Variants in ARHGAP45 observed in about 807,000 individuals in gnomAD.
ARHGAP45 encodes Rho GTPase activating protein 45.
ARHGAP45 carries 56 observed loss-of-function variants against 116.1 expected under a neutral mutation model. That is an observed-to-expected ratio of 0.48 (90% CI 0.39 to 0.60). ARHGAP45 has a LOEUF of 0.60. Among genes scored for constraint, ARHGAP45 ranks in the 20% least tolerant of loss-of-function variants. The pLI, the probability that ARHGAP45 is intolerant of heterozygous loss-of-function variation, is 0.00. For synonymous variants in ARHGAP45, 866 were observed against 701.7 expected, an observed-to-expected ratio of 1.23 and a Z score of -3.70; for missense variants, 1,622 against 1,601.0, an observed-to-expected ratio of 1.01 and a Z score of -0.22.
At chr19:1,070,212 T>G (rs1284970537) in intron 2 of ARHGAP45, among the ~76,000 whole-genome samples, 1 of 151,906 alleles carries the variant, frequency 6.6e-6, no homozygotes, top group Non-Finnish European at 1.5e-5. Context: ...GCCAGGTTGG[T>G]CTCAAACCCC....
At chr19:1,072,209 G>A (rs1417597143) in intron 2 of ARHGAP45, among the ~76,000 whole-genome samples, 1 of 151,784 alleles carries the variant, frequency 6.6e-6, no homozygotes, top group African/African-American at 2.4e-5. Flanking sequence ...TTACAGAGGA[G>A]TGCCACCACG....
At chr19:1,067,674 G>T in intron 1 of ARHGAP45, 179 bp downstream of exon 1, 2 of 725,838 alleles carry the variant, frequency 2.8e-6, no homozygotes, top group South Asian at 2.9e-5. Flanking sequence ...TTCAGCTCAC[G>T]GTAGGGACCC....
rs1394860615 is a variant in ARHGAP45 at position 1,069,035 on chromosome 19, C to T, written c.421+291C>T. Among the ~76,000 whole-genome samples, 1 of 151,994 alleles carries T rather than the reference C, an allele frequency of 6.6e-6. No individual in the cohort carries two copies. Among genetic ancestry groups the T allele is most frequent in the African/African-American group, 2.4e-5 (1 of 41,364 alleles). ...TGTCCCATGCACAGGCTCAGAAACA[C>T]GGAAACAGAGAATGCATTTGGGGGC... On this transcript the variant is annotated intron_variant, in intron 2 of 22. Transcript: ENST00000313093. The surrounding 1 kb of genome is among the most constrained non-coding windows in gnomAD (Gnocchi z 4.1).
rs779705191 is a variant in ARHGAP45 at position 1,068,738 on chromosome 19, C to T, written c.415C>T (p.Arg139Cys). 8.4e-5 allele frequency: 135 copies of T among 1,611,246 alleles called. No individual in the cohort carries two copies. The highest frequency in any genetic ancestry group is 1.0e-4 in the Non-Finnish European group (123 of 1,179,142). The part of the protein sequence containing the change: ...GLEKLKECVL[R>C]DDLLEARRPR... ...TGAGAAACTTAAGGAGTGTGTGTTG[C>T]GTGACGGTGAGAGCCACGGGGACAC... Residue 139 changes from arginine to cysteine, a missense_variant, in exon 2 of 23, where the codon CGT becomes TGT. This residue lies in a region of ARHGAP45 where 279 missense variants were observed against 311.9 expected (regional missense o/e 0.89). Coordinates refer to ENST00000313093, the MANE Select transcript of ARHGAP45 (RefSeq NM_012292.5). The surrounding 1 kb of genome is among the most constrained non-coding windows in gnomAD (Gnocchi z 7.5).
Position 1,081,084 on chromosome 19 carries a change from G to A in ARHGAP45, c.2190+20G>A, listed in dbSNP as rs747705728. 32 of 1,588,902 alleles carry A rather than the reference G, an allele frequency of 2.0e-5. No individual in the cohort carries two copies. In the East Asian group the frequency reaches 5.4e-4, roughly 27 times the overall value. ...GAAGAGGTGAGTGGGACGCCCCGAC[G>A]GACAGCTGGGAGCCTTCGGGAGCCT... On this transcript the variant is annotated intron_variant, in intron 17 of 22. Coordinates refer to ENST00000313093, the MANE Select transcript of ARHGAP45 (RefSeq NM_012292.5).
intron 2 of ARHGAP45, 110 bp from the exon 3 acceptor site, chr19:1,073,039 C>T: frequency 7.6e-7 from 1 of 1,320,418 alleles, no homozygotes; most frequent in Non-Finnish European, 1.0e-6. Context: ...TCTTCCACCT[C>T]TGCCTCAGTT....
rs762879433 is a variant in ARHGAP45, at chr19:1,080,533, C to G, written c.1898C>G (p.Pro633Arg). Residue 633 changes from proline (P) to arginine (R), a missense_variant, in exon 15 of 23, where the codon CCC (proline) becomes CGC (arginine). Coordinates refer to ENST00000313093, the MANE Select transcript of ARHGAP45 (RefSeq NM_012292.5). ...SISDSDSGLDPGPGAGDFKKF... is the reference protein window; with the variant it reads ...SISDSDSGLDRGPGAGDFKKF... The stretch of plus-strand genomic sequence containing the variant: ...TCAGACTCGGACAGTGGGCTGGACC[C>G]CGGCCCTGGCGCAGGTGAGGGAGGC... 3 of 1,612,784 alleles carry G rather than the reference C, an allele frequency of 1.9e-6. No individual in the cohort carries two copies. The highest frequency in any genetic ancestry group is 2.5e-6 in the Non-Finnish European group (3 of 1,179,962).
At chr19:1,075,009 G>A (rs1034149811) in intron 10 of ARHGAP45, 130 bp downstream of exon 10, 10 of 674,222 alleles carry the variant, frequency 1.5e-5, no homozygotes, top group South Asian at 7.1e-5. Context: ...GCGCATGCGC[G>A]GCCTCGCAGG....
Position 1,086,240 on chromosome 19 carries a change from G to A in ARHGAP45, c.*234G>A. ...GTCCCCTGCACCCCGGCTCAGCTGA[G>A]CTGGGGAACACTGCTGTCGTGTGAA... On this transcript the variant is annotated 3_prime_UTR_variant, in exon 23 of 23. Coordinates refer to ENST00000313093, the MANE Select transcript of ARHGAP45 (RefSeq NM_012292.5). 1.9e-6 allele frequency: 1 copy of A among 539,914 alleles called. No individual in the cohort carries two copies. Among genetic ancestry groups the A allele is most frequent in the Non-Finnish European group, 3.3e-6 (1 of 300,820 alleles). 33.4% of individuals were successfully genotyped at this position (539,914 alleles called of 1,614,324 possible). A position where few individuals can be genotyped will look rare whatever the true frequency, so the allele number is the denominator to read the frequency against.
Position 1,073,217 on chromosome 19 carries a change from A to G in ARHGAP45, c.490A>G (p.Ile164Val), listed in dbSNP as rs34905859. The change falls in exon 3 of 23, where the codon ATC becomes GTC. Residue 164 changes from isoleucine to valine, a missense_variant. Ile to Val is a conservative substitution (Grantham distance 29). Around this residue, in one of 3 missense-constraint regions of ARHGAP45, gnomAD observed 279 missense variants for 311.9 expected, o/e 0.89. Transcript: ENST00000313093. ...TGAGGCTCTGCGTGTCATGCATCAG[A>G]TCATCTCCAAGTACCCGCTGCTGAA... ...LGEALRVMHQIISKYPLLNTV... is the reference protein window; with the variant it reads ...LGEALRVMHQVISKYPLLNTV... 9.9e-6 allele frequency: 16 copies of G among 1,613,306 alleles called. No individual in the cohort carries two copies. Among genetic ancestry groups the G allele is most frequent in the Middle Eastern group, 1.7e-4 (1 of 6,026 alleles).
At chr19:1,085,626 C>T (rs1276481315) in intron 22 of ARHGAP45, 34 bp from the exon 23 acceptor site, 25 of 1,464,044 alleles carry the variant, frequency 1.7e-5, no homozygotes, top group South Asian at 6.7e-5. Context: ...TCTCTCCTGT[C>T]TGTCTCCCCC....
chr19:1,085,754 C>T lies in ARHGAP45; in HGVS notation c.3159C>T (p.Ser1053=). 1 of 1,612,452 alleles carries T rather than the reference C, an allele frequency of 6.2e-7. No homozygotes were observed. The highest frequency in any genetic ancestry group is 8.5e-7 in the Non-Finnish European group (1 of 1,179,728). ...SSEASALGHL[S]FLEQQQSEAS... Reference sequence around the variant, plus strand: ...AGGCCAGTGCCCTGGGCCACCTCAGCTTCCTGGAGCAGCAGCAGAGCGAGG... The same window carrying T: ...AGGCCAGTGCCCTGGGCCACCTCAGTTTCCTGGAGCAGCAGCAGAGCGAGG... The change falls in exon 23 of 23, where the codon AGC becomes AGT. Residue 1053 remains serine (S), a synonymous_variant. Transcript: ENST00000313093.
rs771249875 is a variant in ARHGAP45 at position 1,067,503 on chromosome 19, G to T, written c.90+8G>T. On this transcript the variant is annotated splice_region_variant and intron_variant, in intron 1 of 22. Transcript: ENST00000313093. ...AGCCCGCAGCCCTCGGGGGTGAGTG[G>T]AGCCCGGGTGAGACCCGGAGCTGAC... 7 of 1,587,934 alleles carry T rather than the reference G, an allele frequency of 4.4e-6. No individual in the cohort carries two copies. The highest frequency in any genetic ancestry group is 5.1e-6 in the Non-Finnish European group (6 of 1,167,918).
rs1258461740 is a variant in ARHGAP45 at position 1,067,309 on chromosome 19, T to G, written c.-97T>G. 6 of 1,411,298 alleles carry G rather than the reference T, an allele frequency of 4.3e-6. No homozygotes were observed. The highest frequency in any genetic ancestry group is 1.6e-5 in the South Asian group (1 of 62,814). 87.4% of individuals were successfully genotyped at this position (1,411,298 alleles called of 1,614,324 possible). A position where few individuals can be genotyped will look rare whatever the true frequency, so the allele number is the denominator to read the frequency against. ...GTGGGCCTGACAGCTGGGGAGGGGG[T>G]GGCCGGCGACAATGTGGTCCCGAAG... On this transcript the variant is annotated 5_prime_UTR_variant, in exon 1 of 23. Transcript: ENST00000313093.
Position 1,068,424 on chromosome 19 carries a change from G to C in ARHGAP45, c.101G>C (p.Arg34Thr). The C allele has an allele frequency of 6.4e-7, 1 of 1,567,910 alleles. No homozygotes were observed. The highest frequency in any genetic ancestry group is 1.2e-5 in the South Asian group (1 of 86,020). Residue 34 changes from arginine (R) to threonine (T), a missense_variant, in exon 2 of 23, where the codon AGG (arginine) becomes ACG (threonine). Arg to Thr is a moderately conservative substitution (Grantham distance 71, BLOSUM62 -1). Around this residue, in one of 3 missense-constraint regions of ARHGAP45, gnomAD observed 279 missense variants for 311.9 expected, o/e 0.89. Coordinates refer to ENST00000313093, the MANE Select transcript of ARHGAP45 (RefSeq NM_012292.5). The surrounding 1 kb of genome is among the most constrained non-coding windows in gnomAD (Gnocchi z 7.5). ...TCGGACCTGCCCAAGGAGCTGCCCAGGAAGGATGGGGCTGACGCGGTGTTC... is the reference window on the plus strand; with the variant it reads ...TCGGACCTGCCCAAGGAGCTGCCCACGAAGGATGGGGCTGACGCGGTGTTC... ...PSPQPSGELPRKDGADAVFPG... is the reference protein window; with the variant it reads ...PSPQPSGELPTKDGADAVFPG...
chr19:1,074,869 A>G lies in ARHGAP45; in HGVS notation c.1175A>G (p.Gln392Arg). The G allele has an allele frequency of 9.8e-7, 1 of 1,023,326 alleles. No homozygotes were observed. Among genetic ancestry groups the G allele is most frequent in the East Asian group, 6.8e-5 (1 of 14,740 alleles). 63.4% of individuals were successfully genotyped at this position (1,023,326 alleles called of 1,614,324 possible). A position where few individuals can be genotyped will look rare whatever the true frequency, so the allele number is the denominator to read the frequency against. The change falls in exon 10 of 23, where the codon CAG becomes CGG. Residue 392 changes from glutamine (Q) to arginine (R), a missense_variant. This residue lies in a region of ARHGAP45 where 1,334 missense variants were observed against 1,263.8 expected (regional missense o/e 1.06). Coordinates refer to ENST00000313093, the MANE Select transcript of ARHGAP45 (RefSeq NM_012292.5). ...ATCAAGGAGGCCTGGCACCGTGCCC[A>G]GAGGAAGCTGGTGAGGCGGGCGGGC... is the stretch of plus-strand genomic sequence containing the variant. Reference protein sequence around the residue: ...KEIKEAWHRAQRKLQEAESNL... With the variant: ...KEIKEAWHRARRKLQEAESNL...
At chr19:1,083,497 C>G in intron 21 of ARHGAP45, 144 bp downstream of exon 21, 1 of 689,566 alleles carries the variant, frequency 1.5e-6, no homozygotes, top group South Asian at 1.8e-5. Flanking sequence ...AGGCCACTGT[C>G]TTTTTGTGTC....
intron 10 of ARHGAP45, among the ~76,000 whole-genome samples, chr19:1,075,753 A>G (rs925142612): frequency 2.6e-5 from 4 of 152,156 alleles, no homozygotes; most frequent in African/African-American, 9.7e-5. Flanking sequence ...TCCTGGGTCT[A>G]CAGGCACCAG....
rs1202849450 is a variant in ARHGAP45, at chr19:1,069,936, C to T, written c.421+1192C>T. Among the ~76,000 whole-genome samples the T allele has an allele frequency of 1.3e-5, 2 of 151,904 alleles. No individual in the cohort carries two copies. Among genetic ancestry groups the T allele is most frequent in the Admixed American group, 1.3e-4 (2 of 15,234 alleles). ...GGCTCAAGCCATCCTCCTACCTCTG[C>T]CTCCCGAGTACCTGAGACTACAGGC... On this transcript the variant is annotated intron_variant, in intron 2 of 22. Transcript: ENST00000313093. This position sits in a 1 kb window ranked among gnomAD's most constrained non-coding sequence, Gnocchi z 4.1.
Sources: allele counts gnomAD v4.1 joint callset (sites outside exome capture counted in the v4.1 genomes callset), GRCh38; gene constraint gnomAD v4.1.1; regional missense constraint gnomAD v4.1.1; non-coding constraint Gnocchi (gnomAD v3.1); transcripts MANE v1.5; gene names NCBI Gene and HGNC (gene_info 2026-07-23, HGNC 2026-07-21).